The following PFKM variants were observed in gnomAD, a reference collection of about 807,000 sequenced individuals.
The protein encoded by PFKM is phosphofructokinase, muscle, also known as ATP-dependent 6-phosphofructokinase, muscle type.
A neutral mutation model predicts 95.5 loss-of-function variants in PFKM; 58 were observed. That is an observed-to-expected ratio of 0.61 (90% CI 0.49 to 0.76). The LOEUF is 0.76. Ranked by LOEUF, PFKM falls within the 30% of genes least tolerant of loss-of-function variation. The pLI is 0.00. For synonymous variants in PFKM, 336 were observed against 357.2 expected (o/e 0.94, Z 0.67); for missense variants, 678 against 1,005.4 (o/e 0.67, Z 4.40).
chr12:48,140,302 G>A (rs976794687), intron 13 of PFKM, among the ~76,000 whole-genome samples: 3 of 152,154 alleles, frequency 2.0e-5, no homozygotes, highest in African/African-American at 7.2e-5. Flanking sequence ...AATTGTTTGG[G>A]TTGCTTATTA....
intron 13 of PFKM, among the ~76,000 whole-genome samples, chr12:48,140,455 G>T (rs1592786324): frequency 6.6e-6 from 1 of 152,308 alleles, no homozygotes; most frequent in Non-Finnish European, 1.5e-5. Flanking sequence ...GCTCTGGAAG[G>T]TCTCTCATTC....
intron 5 of PFKM, 65 bp downstream of exon 5, chr12:48,133,122 C>A: frequency 6.8e-7 from 1 of 1,470,870 alleles, no homozygotes; most frequent in Non-Finnish European, 9.5e-7. Context: ...TACACACACA[C>A]ATCGCCCCCG....
rs1335602970 is a variant in PFKM at position 48,108,590 on chromosome 12, T to G, written c.205+396T>G. ...AAAGTTGACTAAATGAGTTATTATT[T>G]TACAAAATGATTCTAAATATTGTAA... On this transcript the variant is annotated intron_variant, in intron 3 of 24. Transcript: ENST00000340802. 7.2e-5 allele frequency among the ~76,000 whole-genome samples: 11 copies of G among 152,360 alleles called. No individual in the cohort carries two copies. The East Asian group carries it at 1.9e-3, about 27-fold the overall frequency.
At chr12:48,141,059 A>G (rs1206041794) in intron 14 of PFKM, among the ~76,000 whole-genome samples, 188 bp downstream of exon 14, 1 of 152,232 alleles carries the variant, frequency 6.6e-6, no homozygotes, top group Non-Finnish European at 1.5e-5. Context: ...GAACCATTGC[A>G]AACAACATGT....
chr12:48,141,289 G>A, intron 14 of PFKM, 22 bp from the exon 15 acceptor site: 1 of 1,610,132 alleles, frequency 6.2e-7, no homozygotes, highest in Non-Finnish European at 8.5e-7. Flanking sequence ...CTTGTGCAGA[G>A]CTCTGTGGCT....
chr12:48,140,601 T>C (rs1950499353), intron 13 of PFKM, 121 bp from the exon 14 acceptor site: 3 of 992,648 alleles, frequency 3.0e-6, no homozygotes, highest in Admixed American at 1.7e-5. Flanking sequence ...TGTGTTGTCT[T>C]AGGCAGATAT....
At chr12:48,125,621 CAAAAAAA>C (rs562841214) in intron 2 of PFKM, 2 of 103,056 alleles carry the variant, frequency 1.9e-5, no homozygotes, top group African/African-American at 3.5e-5. Context: ...AACTCTGTCT[CAAAAAAA>C]AAAAAAAAAA....
intron 1 of PFKM, among the ~76,000 whole-genome samples, chr12:48,119,623 C>T (rs1948002043): frequency 6.6e-6 from 1 of 151,960 alleles, no homozygotes; most frequent in East Asian, 1.9e-4. Flanking sequence ...CAGCTGCATT[C>T]CCCAGGAATC....
intron 1 of PFKM, among the ~76,000 whole-genome samples, chr12:48,106,951 A>G (rs1414542374): frequency 6.6e-6 from 1 of 152,196 alleles, no homozygotes; most frequent in Non-Finnish European, 1.5e-5. Flanking sequence ...ATACTTTCTA[A>G]GAGAACATAA....
upstream of PFKM, chr12:48,105,760 A>G (rs1006862619): frequency 1.8e-6 from 1 of 554,270 alleles, no homozygotes; most frequent in Non-Finnish European, 3.2e-6. Context: ...AACGGCAGGG[A>G]GACGGTCTCT....
At chr12:48,117,744 A>G (rs1047309947), upstream of PFKM, among the ~76,000 whole-genome samples, 4 of 152,268 alleles carry the variant, frequency 2.6e-5, no homozygotes, top group Admixed American at 2.0e-4. Flanking sequence ...CGAGTGACCA[A>G]TAGCTCCCCC....
rs901548166 is a variant in PFKM, at chr12:48,134,296, C to T, written c.638+20C>T. On this transcript the variant is annotated intron_variant, in intron 7 of 22. Transcript: ENST00000359794. ...CTGTGGGTAAGATCCTCATTCTGAC[C>T]CATTTATTCCGTGGACCTAGCGATA... The T allele has an allele frequency of 1.2e-6, 2 of 1,606,672 alleles. No homozygotes were observed. The highest frequency in any genetic ancestry group is 2.7e-5 in the African/African-American group (2 of 74,776).
chr12:48,110,570 A>G (rs1947091220), intron 3 of PFKM, among the ~76,000 whole-genome samples: 1 of 152,154 alleles, frequency 6.6e-6, no homozygotes, highest in Admixed American at 6.5e-5. Context: ...GCACAGAGCT[A>G]CTGGTGCCCA....
At chr12:48,119,350 C>A (rs886345958), upstream of PFKM, 43 of 985,138 alleles carry the variant, frequency 4.4e-5, no homozygotes, top group South Asian at 1.9e-4. Flanking sequence ...ACCCCTCCCC[C>A]CTTTCCCAAG....
At chr12:48,141,688 C>T (rs971381632) in intron 15 of PFKM, 52 bp from the exon 16 acceptor site, 3 of 1,355,820 alleles carry the variant, frequency 2.2e-6, no homozygotes, top group Admixed American at 3.4e-5. Flanking sequence ...TTTCCTGTCT[C>T]TTCCCCAAAT....
chr12:48,132,274 C>G (rs1949583347), intron 4 of PFKM: 1 of 333,866 alleles, frequency 3.0e-6, no homozygotes, highest in African/African-American at 2.2e-5. Context: ...AGATACCTCT[C>G]TTGGGGTATC....
chr12:48,107,127 C>T (rs750607473), intron 1 of PFKM, among the ~76,000 whole-genome samples: 2 of 152,170 alleles, frequency 1.3e-5, no homozygotes, highest in Non-Finnish European at 2.9e-5. Flanking sequence ...TAAAGAAGGG[C>T]AGTTTCTGGA....
chr12:48,141,402 A>C, intron 15 of PFKM, 21 bp downstream of exon 15: 1 of 1,603,912 alleles, frequency 6.2e-7, no homozygotes. Flanking sequence ...CTGCAGAGGC[A>C]CCTCCTCCCA....
At chr12:48,106,251 T>G (rs1946586692) in intron 1 of PFKM, 12 of 617,156 alleles carry the variant, frequency 1.9e-5, no homozygotes, top group Non-Finnish European at 3.5e-5. Context: ...TTAAGACTAG[T>G]CGTAATTTCT....
Sources: gnomAD v4.1 joint callset for allele counts (sites outside exome capture counted in the v4.1 genomes callset) on GRCh38, gnomAD v4.1.1 for gene constraint, MANE v1.5 for transcripts, NCBI Gene and HGNC (gene_info 2026-07-23, HGNC 2026-07-21) for gene names.